Variants in IGSF9 observed in about 807,000 individuals in gnomAD.
IGSF9 encodes the protein immunoglobulin superfamily member 9.
Under a neutral mutation model 121.7 loss-of-function variants are expected in IGSF9, and 87 were observed. The ratio of observed to expected loss-of-function variants is 0.71; its 90% CI spans 0.60 to 0.85. The LOEUF (loss-of-function observed/expected upper bound fraction) is 0.85. Among genes scored for constraint, IGSF9 ranks in the 40% least tolerant of loss-of-function variants. The pLI is 0.00. For synonymous variants in IGSF9, 640 were observed against 648.4 expected (o/e 0.99, Z 0.20); for missense variants, 1,462 against 1,565.3 (o/e 0.93, Z 1.11).
chr1:159,943,465 G>A lies in IGSF9; in HGVS notation c.-11C>T. The A allele has an allele frequency of 6.4e-7, 1 of 1,555,962 alleles. No individual in the cohort carries two copies. Among genetic ancestry groups the A allele is most frequent in the Non-Finnish European group, 8.7e-7 (1 of 1,151,020 alleles). On this transcript the variant is annotated 5_prime_UTR_variant, in exon 2 of 21. Coordinates refer to ENST00000368094, the MANE Select transcript of IGSF9 (RefSeq NM_001135050.2). ...GAGGCACCACACCATAGCCCAGCTG[G>A]CCTGCTCACCCAGCCCCTCCTATCC...
intron 17 of IGSF9, 46 bp downstream of exon 17, chr1:159,929,592 C>T: frequency 1.3e-6 from 2 of 1,563,804 alleles, no homozygotes; most frequent in East Asian, 2.3e-5. Flanking sequence ...CTTAAGGAGG[C>T]TAGGCCCAAG....
chr1:159,930,420 A>C lies in IGSF9; in HGVS notation c.1833T>G (p.Ala611=). The change falls in exon 15 of 21, where the codon GCT becomes GCG. Residue 611 remains alanine, a synonymous_variant. Transcript: ENST00000368094. ...SAPEGLPTTP[A]APGLPPTEIP... ...TCTCTGTTGGGGGAAGCCCGGGTGC[A>C]GCTGGCGTGGTAGGAAGCCCTGCGT... The C allele has an allele frequency of 6.5e-7, 1 of 1,542,738 alleles. No individual in the cohort carries two copies. Among genetic ancestry groups the C allele is most frequent in the East Asian group, 2.3e-5 (1 of 44,078 alleles).
Position 159,927,343 on chromosome 1 carries a change from G to A in IGSF9, c.*2C>T, listed in dbSNP as rs1361813789. The A allele has an allele frequency of 1.2e-6, 2 of 1,613,466 alleles. No individual in the cohort carries two copies. The highest frequency in any genetic ancestry group is 4.5e-5 in the East Asian group (2 of 44,890). ...CTTTTCACAGCCTCACATCAGGGATGTTCACAGCAGAGTGGCCTGTTCGGG... is the reference window on the plus strand; with the variant it reads ...CTTTTCACAGCCTCACATCAGGGATATTCACAGCAGAGTGGCCTGTTCGGG... On this transcript the variant is annotated 3_prime_UTR_variant, in exon 21 of 21. Transcript: ENST00000368094.
At chr1:159,942,047 T>A (rs924772834) in intron 3 of IGSF9, among the ~76,000 whole-genome samples, 11 of 152,218 alleles carry the variant, frequency 7.2e-5, no homozygotes, top group African/African-American at 2.4e-4. Flanking sequence ...GGTCTCCCCA[T>A]CAACATCCTC....
intron 3 of IGSF9, among the ~76,000 whole-genome samples, chr1:159,941,389 T>C (rs937429080): frequency 3.9e-5 from 6 of 152,144 alleles, no homozygotes; most frequent in African/African-American, 1.4e-4. Context: ...CTCAGGGGCC[T>C]CCCTCAGGTC....
intron 3 of IGSF9, 76 bp from the exon 4 acceptor site, chr1:159,937,914 TC>T (rs1393435992): frequency 4.8e-6 from 7 of 1,471,776 alleles, no homozygotes; most frequent in Non-Finnish European, 6.5e-6. Context: ...CACTGGTAAT[TC>T]TTAGAGGTAA....
Position 159,934,309 on chromosome 1 carries a change from G to C in IGSF9, c.985C>G (p.Pro329Ala). ...VLYPAQVTAM[P>A]PETPLPIGMP... is the part of the protein sequence containing the mutation. ...CCTATGGGCAGGGGTGTCTCAGGAG[G>C]CATAGCTGTCACCTGGGCTGGGTCT... The change falls in exon 9 of 21, where the codon CCT becomes GCT. Residue 329 changes from proline (P) to alanine (A), a missense_variant. By Grantham distance (27) the Pro-to-Ala change is conservative (BLOSUM62 -1). This residue lies in a region of IGSF9 where 558 missense variants were observed against 599.4 expected (regional missense o/e 0.93). Transcript: ENST00000368094. 1 of 1,605,212 alleles carries C rather than the reference G, an allele frequency of 6.2e-7. No homozygotes were observed. The highest frequency in any genetic ancestry group is 8.5e-7 in the Non-Finnish European group (1 of 1,175,352).
Position 159,943,600 on chromosome 1 carries a change from G to T in IGSF9, c.-146C>A. On this transcript the variant is annotated 5_prime_UTR_variant, in exon 2 of 21. Transcript: ENST00000368094. Reference sequence around the variant, plus strand: ...AGGGCTTGGCTCATGTAACACCCGAGGAAGCTGCTCTCCGGAGAACCACCA... The same window carrying T: ...AGGGCTTGGCTCATGTAACACCCGATGAAGCTGCTCTCCGGAGAACCACCA... The T allele has an allele frequency of 1.7e-6, 1 of 600,248 alleles. No individual in the cohort carries two copies. 37.2% of individuals were successfully genotyped at this position (600,248 alleles called of 1,614,324 possible). A position where few individuals can be genotyped will look rare whatever the true frequency, so the allele number is the denominator to read the frequency against.
chr1:159,942,898 C>T lies in IGSF9; in HGVS notation c.247+65G>A, dbSNP rs576058919. On this transcript the variant is annotated intron_variant, in intron 3 of 20. Transcript: ENST00000368094. ...AAAGCCGTTCATAGGAGGCCTTGTG[C>T]GACTCTACCCAGCCCACCTTTCTTG... The T allele has an allele frequency of 9.1e-5, 129 of 1,412,250 alleles. 1 individual carries two copies. Among genetic ancestry groups the T allele is most frequent in the Middle Eastern group, 3.6e-4 (2 of 5,512 alleles). The allele number at this position is 1,412,250 out of a possible 1,614,324, so 87.5% of individuals were successfully genotyped here.
intron 18 of IGSF9, 138 bp downstream of exon 18, chr1:159,929,213 A>T: frequency 3.1e-6 from 4 of 1,301,598 alleles, no homozygotes; most frequent in South Asian, 1.2e-5. Context: ...GCCACTGCAC[A>T]CCCCTTCTTA....
rs554536490 is a variant in IGSF9 at position 159,927,965 on chromosome 1, G to A, written c.3231-78C>T. 1.8e-5 allele frequency: 28 copies of A among 1,545,142 alleles called. No homozygotes were observed. The East Asian group carries it at 3.4e-4, about 19-fold the overall frequency. On this transcript the variant is annotated intron_variant, in intron 19 of 20. Transcript: ENST00000368094. ...CTGTTCAGAAAAGTCTGAATTCAGCGACCGCAAACTCACGTTAGGTCATGG... is the reference window on the plus strand; with the variant it reads ...CTGTTCAGAAAAGTCTGAATTCAGCAACCGCAAACTCACGTTAGGTCATGG...
chr1:159,937,440 A>C (rs892029207), intron 4 of IGSF9, among the ~76,000 whole-genome samples: 1 of 152,006 alleles, frequency 6.6e-6, no homozygotes, highest in African/African-American at 2.4e-5. Flanking sequence ...AGAAAGAGGG[A>C]GTTCCTGACA....
At chr1:159,940,683 C>T (rs1651345578) in intron 3 of IGSF9, among the ~76,000 whole-genome samples, 1 of 152,202 alleles carries the variant, frequency 6.6e-6, no homozygotes, top group South Asian at 2.1e-4. Context: ...TTCTGGGAAG[C>T]TGTGACTGGG....
At position 159,928,726 on chromosome 1, in the gene IGSF9, T is replaced by G. The variant is rs1650849267; in HGVS notation, c.2662A>C (p.Ser888Arg). The change falls in exon 19 of 21, where the codon AGC (serine) becomes CGC (arginine). Residue 888 changes from serine (S) to arginine (R), a missense_variant. By Grantham distance (110) the Ser-to-Arg change is moderately radical. Around this residue, in one of 3 missense-constraint regions of IGSF9, gnomAD observed 808 missense variants for 815.2 expected, o/e 0.99. Transcript: ENST00000368094. ...QRLARSFDCSSSSPSGAPQPL... is the reference protein window; with the variant it reads ...QRLARSFDCSRSSPSGAPQPL... ...TGGGGTGCCCCACTGGGGCTGCTGC[T>G]GCTACAGTCAAAGGACCGGGCCAGA... The G allele has an allele frequency of 3.4e-6, 5 of 1,476,946 alleles. No individual in the cohort carries two copies. The highest frequency in any genetic ancestry group is 4.5e-6 in the Non-Finnish European group (5 of 1,112,162). The allele number at this position is 1,476,946 out of a possible 1,614,324, so 91.5% of individuals were successfully genotyped here.
Position 159,931,202 on chromosome 1 carries a change from C to T in IGSF9, c.1573G>A (p.Val525Ile). 6.2e-7 allele frequency: 1 copy of T among 1,614,128 alleles called. No homozygotes were observed. The highest frequency in any genetic ancestry group is 8.5e-7 in the Non-Finnish European group (1 of 1,179,988). The change falls in exon 13 of 21, where the codon GTC becomes ATC. Residue 525 changes from valine to isoleucine, a missense_variant. Val to Ile is a conservative substitution (Grantham distance 29). Around this residue, in one of 3 missense-constraint regions of IGSF9, gnomAD observed 96 missense variants for 150.7 expected, o/e 0.64. Coordinates refer to ENST00000368094, the MANE Select transcript of IGSF9 (RefSeq NM_001135050.2). This position sits in a 1 kb window ranked among gnomAD's most constrained non-coding sequence, Gnocchi z 4.8. ...SVVALPKGANVSWEPGFDGGY... is the reference protein window; with the variant it reads ...SVVALPKGANISWEPGFDGGY... ...CCATCAAAGCCAGGCTCCCAGGAGA[C>T]ATTGGCACCCTTGGGCAAAGCCACC...
Position 159,927,121 on chromosome 1 carries a change from G to GAGAGAT in IGSF9, c.*223_*224insATCTCT. 1 of 596,600 alleles carries GAGAGAT rather than the reference G, an allele frequency of 1.7e-6. No homozygotes were observed. Among genetic ancestry groups the GAGAGAT allele is most frequent in the East Asian group, 2.8e-5 (1 of 35,580 alleles). 37.0% of individuals were successfully genotyped at this position (596,600 alleles called of 1,614,324 possible). ...ACAGAGAGAGAGAGAGAGAGAGAGA[G>GAGAGAT]AGAGAGAGAGGCAGACCTAAGATCC... On this transcript the variant is annotated 3_prime_UTR_variant, in exon 21 of 21. Transcript: ENST00000368094.
At chr1:159,942,826 AAGCAGAGTTAAGGC>A in intron 3 of IGSF9, 123 bp downstream of exon 3, 1 of 673,770 alleles carries the variant, frequency 1.5e-6, no homozygotes, top group Non-Finnish European at 2.6e-6. Flanking sequence ...CATGCTTATT[AAGCAGAGTTAAGGC>A]AGCAGAGCTG....
intron 3 of IGSF9, among the ~76,000 whole-genome samples, chr1:159,940,142 A>G (rs60649381): frequency 0.012 from 1,756 of 152,328 alleles, 39 homozygotes; most frequent in African/African-American, 0.04. Context: ...CCAAAATCAC[A>G]TGGCTAGTAA....
At chr1:159,941,544 C>T (rs553364516) in intron 3 of IGSF9, among the ~76,000 whole-genome samples, 1 of 152,364 alleles carries the variant, frequency 6.6e-6, no homozygotes, top group African/African-American at 2.4e-5. Flanking sequence ...AGAAGACCCA[C>T]AGGTAGACAA....
Sources: gnomAD v4.1 joint callset for allele counts (sites outside exome capture counted in the v4.1 genomes callset) on GRCh38, gnomAD v4.1.1 for gene constraint, gnomAD v4.1.1 regional missense constraint, Gnocchi (gnomAD v3.1) non-coding constraint, MANE v1.5 for transcripts, NCBI Gene and HGNC (gene_info 2026-07-23, HGNC 2026-07-21) for gene names.